NRXN1: variants seen among roughly 807,000 people sequenced by gnomAD.
NRXN1 encodes the protein neurexin 1.
NRXN1 carries 39 observed loss-of-function variants against 150.9 expected under a neutral mutation model. That is an observed-to-expected ratio of 0.26 (90% CI 0.20 to 0.34). The LOEUF (loss-of-function observed/expected upper bound fraction) is 0.34. NRXN1 is among the 10% of genes least tolerant of loss of function. The pLI is 1.00. For synonymous variants in NRXN1, 924 were observed against 757.0 expected (o/e 1.22, Z -3.62); for missense variants, 1,815 against 1,949.9 (o/e 0.93, Z 1.30).
At chr2:50,582,572 C>T (rs954769773) in intron 8 of NRXN1, among the ~76,000 whole-genome samples, 5 of 145,750 alleles carry the variant, frequency 3.4e-5, no homozygotes, top group African/African-American at 1.0e-4. Flanking sequence ...GAAACAACTA[C>T]GAACAGAGAC....
chr2:50,984,085 AG>A (rs1275604883), intron 2 of NRXN1, among the ~76,000 whole-genome samples: 4 of 147,130 alleles, frequency 2.7e-5, no homozygotes, highest in Middle Eastern at 3.5e-3. Context: ...CTCCCTCCTC[AG>A]CCTCCCAAGT....
chr2:50,240,064 C>G (rs1175743139), intron 17 of NRXN1, among the ~76,000 whole-genome samples: 1 of 151,446 alleles, frequency 6.6e-6, no homozygotes, highest in Non-Finnish European at 1.5e-5. Flanking sequence ...TGTCACAATA[C>G]AAATACCATT....
In NRXN1 at chr2:50,664,470, G is replaced by A. The variant is rs1389039354; in HGVS notation, c.833-40855C>T. 2.0e-5 allele frequency among the ~76,000 whole-genome samples: 3 copies of A among 149,966 alleles called. No homozygotes were observed. In the East Asian group the frequency reaches 5.9e-4, roughly 30 times the overall value. On this transcript the variant is annotated intron_variant, in intron 5 of 22. Coordinates refer to ENST00000401669, the MANE Select transcript of NRXN1 (RefSeq NM_001330078.2). ...GCGGGGGCGGGTGGGTAGAAGGATAGGCATTGGGTTTTTTTCTCTACATTG... is the reference window on the plus strand; with the variant it reads ...GCGGGGGCGGGTGGGTAGAAGGATAAGCATTGGGTTTTTTTCTCTACATTG...
At chr2:50,688,600 T>C (rs1691602645) in intron 5 of NRXN1, among the ~76,000 whole-genome samples, 1 of 152,152 alleles carries the variant, frequency 6.6e-6, no homozygotes. Context: ...TCAGTAAGGA[T>C]TTCTCATGTT....
At chr2:50,357,412 G>A (rs1314881263) in intron 17 of NRXN1, among the ~76,000 whole-genome samples, 2 of 151,872 alleles carry the variant, frequency 1.3e-5, no homozygotes, top group Non-Finnish European at 2.9e-5. Flanking sequence ...GGGTTCAGAC[G>A]ATTCTCCTGC....
At chr2:50,400,739 C>G (rs78708863) in intron 17 of NRXN1, among the ~76,000 whole-genome samples, 3,511 of 152,148 alleles carry the variant, frequency 0.023, 133 homozygotes, top group African/African-American at 0.08. Flanking sequence ...AATGCTGAAA[C>G]TGAAAAAAAG....
At chr2:50,322,150 G>C (rs2076087297) in intron 17 of NRXN1, among the ~76,000 whole-genome samples, 1 of 152,066 alleles carries the variant, frequency 6.6e-6, no homozygotes, top group Non-Finnish European at 1.5e-5. Context: ...GGTTCCTGGA[G>C]ACAAGGGCTA....
At chr2:50,398,116 C>A (rs1234452979) in intron 17 of NRXN1, among the ~76,000 whole-genome samples, 1 of 152,134 alleles carries the variant, frequency 6.6e-6, no homozygotes, top group Non-Finnish European at 1.5e-5. Flanking sequence ...ATCATAGATT[C>A]TTTGGCTGTT....
At chr2:50,945,308 T>C (rs2104528742) in intron 2 of NRXN1, among the ~76,000 whole-genome samples, 1 of 152,146 alleles carries the variant, frequency 6.6e-6, no homozygotes, top group South Asian at 2.1e-4. Flanking sequence ...ACCACATCTC[T>C]ACAAAAATTA....
Position 50,347,400 on chromosome 2 carries a change from AT to A in NRXN1, c.3365-110431del. On this transcript the variant is annotated intron_variant, in intron 17 of 22. Transcript: ENST00000401669. The surrounding 1 kb of genome is among the most constrained non-coding windows in gnomAD (Gnocchi z 4.9). ...CACCGCGAATCCACTAGGTAAATCC[AT>A]TTAGCTTTGTGTGCGGGGACTAGGG... The A allele has an allele frequency of 8.5e-7, 1 of 1,172,644 alleles. No individual in the cohort carries two copies. Among genetic ancestry groups the A allele is most frequent in the Non-Finnish European group, 1.1e-6 (1 of 932,764 alleles). The allele number at this position is 1,172,644 out of a possible 1,614,324, so 72.6% of individuals were successfully genotyped here.
intron 21 of NRXN1, among the ~76,000 whole-genome samples, chr2:49,984,718 A>ACACACAC (rs1680601343): frequency 1.9e-4 from 28 of 146,844 alleles, no homozygotes; most frequent in African/African-American, 6.8e-4. Flanking sequence ...AGAACACACA[A>ACACACAC]ACACACACAC....
chr2:50,887,317 G>A (rs1680399821), intron 5 of NRXN1, among the ~76,000 whole-genome samples: 1 of 151,410 alleles, frequency 6.6e-6, no homozygotes, highest in African/African-American at 2.4e-5. Context: ...AAACTAAGCA[G>A]CTAAATATTT....
At chr2:50,078,110 T>C (rs1017896482) in intron 19 of NRXN1, among the ~76,000 whole-genome samples, 1 of 152,104 alleles carries the variant, frequency 6.6e-6, no homozygotes, top group Non-Finnish European at 1.5e-5. Context: ...TACATTTATT[T>C]TGTCATTCTG....
intron 8 of NRXN1, among the ~76,000 whole-genome samples, chr2:50,583,054 T>TC (rs1672542850): frequency 6.6e-6 from 1 of 152,062 alleles, no homozygotes; most frequent in Non-Finnish European, 1.5e-5. Flanking sequence ...CACCTAGTTT[T>TC]TTTTTTTTCT....
chr2:50,473,931 T>C (rs1195952197), intron 15 of NRXN1, among the ~76,000 whole-genome samples: 1 of 152,024 alleles, frequency 6.6e-6, no homozygotes, highest in Non-Finnish European at 1.5e-5. Flanking sequence ...TCATGTGGCA[T>C]ACTCAAAGTC....
intron 17 of NRXN1, among the ~76,000 whole-genome samples, chr2:50,436,029 T>A (rs1052777042): frequency 6.6e-6 from 1 of 152,138 alleles, no homozygotes; most frequent in Non-Finnish European, 1.5e-5. Context: ...AGCCCAGAAA[T>A]TTTTAATCAC....
chr2:50,040,699 C>T, intron 21 of NRXN1, among the ~76,000 whole-genome samples: 1 of 151,944 alleles, frequency 6.6e-6, no homozygotes, highest in East Asian at 1.9e-4. Context: ...AACAATGTAT[C>T]AATTATTCCC....
intron 13 of NRXN1, among the ~76,000 whole-genome samples, chr2:50,498,692 A>C (rs890625196): frequency 2.0e-5 from 3 of 152,248 alleles, no homozygotes; most frequent in African/African-American, 7.2e-5. Flanking sequence ...ATAAATAAGC[A>C]AAGATGTGAA....
At chr2:50,234,819 A>G (rs995591779) in intron 18 of NRXN1, among the ~76,000 whole-genome samples, 4 of 152,026 alleles carry the variant, frequency 2.6e-5, no homozygotes, top group Non-Finnish European at 4.4e-5. Context: ...AGATTCAGAA[A>G]GAAGAAGGCC....
Sources: allele counts gnomAD v4.1 joint callset (sites outside exome capture counted in the v4.1 genomes callset), GRCh38; gene constraint gnomAD v4.1.1; non-coding constraint Gnocchi (gnomAD v3.1); transcripts MANE v1.5; gene names NCBI Gene and HGNC (gene_info 2026-07-23, HGNC 2026-07-21).